Variants in DNAH11 observed in about 807,000 individuals in gnomAD.
The protein encoded by DNAH11 is dynein axonemal heavy chain 11.
Under a neutral mutation model 526.0 loss-of-function variants are expected in DNAH11, and 442 were observed. That is an observed-to-expected ratio of 0.84 (90% CI 0.78 to 0.91). DNAH11 has a LOEUF of 0.91. Ranked by LOEUF, DNAH11 falls within the 40% of genes least tolerant of loss-of-function variation. DNAH11 has a pLI of 0.00. For missense variants in DNAH11, 6,989 were observed against 5,448.7 expected, an observed-to-expected ratio of 1.28 and a Z score of -8.90; for synonymous variants, 2,461 against 1,935.9, an observed-to-expected ratio of 1.27 and a Z score of -7.12.
chr7:21,818,134 A>G, intron 64 of DNAH11, 83 bp from the exon 65 acceptor site: 1 of 1,372,950 alleles, frequency 7.3e-7, no homozygotes, highest in Non-Finnish European at 1.0e-6. Flanking sequence ...TATCTACATT[A>G]AATATAATTT....
rs971461933 is a variant in DNAH11 at position 21,599,828 on chromosome 7, C to T, written c.2709C>T (p.Thr903=). 1.3e-6 allele frequency: 2 copies of T among 1,590,876 alleles called. No homozygotes were observed. The highest frequency in any genetic ancestry group is 1.7e-5 in the Admixed American group (1 of 58,872). The change falls in exon 15 of 82, where the codon ACC becomes ACT. Residue 903 remains threonine, a synonymous_variant. Transcript: ENST00000409508. ...KLFKANPSLD[T]WKIYVEFIDD... ...TCAAAGCCAATCCCTCTCTGGATAC[C>T]TGGAAAATTTATGTAGAATTCATTG... is the stretch of plus-strand genomic sequence containing the variant.
intron 20 of DNAH11, among the ~76,000 whole-genome samples, chr7:21,609,677 C>T (rs1785438840): frequency 2.0e-5 from 3 of 152,180 alleles, no homozygotes; most frequent in African/African-American, 7.2e-5. Flanking sequence ...AATACATATT[C>T]ACAAATGTGT....
intron 54 of DNAH11, among the ~76,000 whole-genome samples, chr7:21,763,686 G>A (rs1443805893): frequency 2.0e-5 from 3 of 149,388 alleles, no homozygotes; most frequent in African/African-American, 5.0e-5. Context: ...CCAGGATCTT[G>A]AAGAGATATC....
intron 2 of DNAH11, among the ~76,000 whole-genome samples, chr7:21,548,847 A>C (rs751962211): frequency 1.3e-5 from 2 of 151,658 alleles, no homozygotes; most frequent in Non-Finnish European, 2.9e-5. Flanking sequence ...TTGCTCTGGG[A>C]TCTGACCTCC....
At chr7:21,766,234 C>G (rs1264155799) in intron 55 of DNAH11, among the ~76,000 whole-genome samples, 1 of 152,102 alleles carries the variant, frequency 6.6e-6, no homozygotes, top group Admixed American at 6.6e-5. Flanking sequence ...ACAACAAAAG[C>G]TTCAAGCATT....
intron 57 of DNAH11, among the ~76,000 whole-genome samples, chr7:21,781,613 A>T (rs540949605): frequency 2.6e-5 from 4 of 152,292 alleles, no homozygotes; most frequent in Non-Finnish European, 5.9e-5. Context: ...ATCAATCTTG[A>T]TTTGGAATGG....
chr7:21,583,088 T>G (rs1199430833), intron 9 of DNAH11, among the ~76,000 whole-genome samples: 1 of 152,162 alleles, frequency 6.6e-6, no homozygotes, highest in Non-Finnish European at 1.5e-5. Flanking sequence ...AAAAACTACT[T>G]TAAATTTCAT....
At chr7:21,552,686 A>G (rs977805724) in intron 2 of DNAH11, among the ~76,000 whole-genome samples, 23 of 152,204 alleles carry the variant, frequency 1.5e-4, no homozygotes, top group Admixed American at 1.2e-3. Flanking sequence ...TGGGGCTTCC[A>G]TGAAACCTTG....
At chr7:21,814,524 C>T (rs956425751) in intron 63 of DNAH11, among the ~76,000 whole-genome samples, 4 of 117,662 alleles carry the variant, frequency 3.4e-5, no homozygotes, top group Non-Finnish European at 6.7e-5. Context: ...CCTCCCCCCA[C>T]CCCACCACAG....
intron 35 of DNAH11, among the ~76,000 whole-genome samples, chr7:21,692,996 C>G (rs1783693621): frequency 6.6e-6 from 1 of 152,204 alleles, no homozygotes; most frequent in South Asian, 2.1e-4. Context: ...ATTCTGCATA[C>G]AGTTCCTTTG....
chr7:21,561,604 A>G (rs1342819686), intron 5 of DNAH11, among the ~76,000 whole-genome samples: 2 of 152,214 alleles, frequency 1.3e-5, no homozygotes, highest in African/African-American at 4.8e-5. Flanking sequence ...GGTGAAGATT[A>G]AATGTACAGA....
intron 77 of DNAH11, among the ~76,000 whole-genome samples, chr7:21,893,471 G>A (rs1784400431): frequency 6.6e-6 from 1 of 152,194 alleles, no homozygotes; most frequent in African/African-American, 2.4e-5. Context: ...ATGAGTTTAA[G>A]ATTTCAGGAC....
chr7:21,847,066 G>T (rs1296748681), intron 66 of DNAH11, among the ~76,000 whole-genome samples: 1 of 151,936 alleles, frequency 6.6e-6, no homozygotes, highest in African/African-American at 2.4e-5. Flanking sequence ...ACTAGTAATT[G>T]GTGCCTTCTC....
chr7:21,635,860 C>A lies in DNAH11; in HGVS notation c.4501-11C>A. On this transcript the variant is annotated splice_polypyrimidine_tract_variant and intron_variant, in intron 25 of 81. Coordinates refer to ENST00000409508, the MANE Select transcript of DNAH11 (RefSeq NM_001277115.2). Reference sequence around the variant, plus strand: ...TTAGCTACTATTTAAAATTCTTTGCCTTTATTTTAGGTTCAGTTGCAGACT... The same window carrying A: ...TTAGCTACTATTTAAAATTCTTTGCATTTATTTTAGGTTCAGTTGCAGACT... 1 of 1,594,458 alleles carries A rather than the reference C, an allele frequency of 6.3e-7. No homozygotes were observed. Among genetic ancestry groups the A allele is most frequent in the Non-Finnish European group, 8.6e-7 (1 of 1,169,396 alleles).
intron 61 of DNAH11, among the ~76,000 whole-genome samples, chr7:21,789,771 T>TTCTTTC (rs1267206503): frequency 1.5e-5 from 1 of 68,410 alleles, no homozygotes; most frequent in Admixed American, 1.9e-4. Context: ...CTCTCTTTCT[T>TTCTTTC]TCTTTCTTTC....
intron 28 of DNAH11, among the ~76,000 whole-genome samples, chr7:21,646,997 C>T (rs1384215182): frequency 2.0e-5 from 3 of 152,070 alleles, no homozygotes; most frequent in South Asian, 2.1e-4. Flanking sequence ...TCAAAACTGA[C>T]CCAGAACTGA....
chr7:21,626,793 C>G (rs1451840870), intron 25 of DNAH11, among the ~76,000 whole-genome samples: 1 of 132,684 alleles, frequency 7.5e-6, no homozygotes, highest in East Asian at 2.2e-4. Context: ...ATCTGTCACC[C>G]AGGCTGGAGT....
In DNAH11 at chr7:21,643,989, A is replaced by G. The variant is rs17144863; in HGVS notation, c.4944+4924A>G. ...CCACAATGCATTCTGTAAAATGACA[A>G]GATACATATACTCAGGAATGCTTAA... On this transcript the variant is annotated intron_variant, in intron 28 of 81. Coordinates refer to ENST00000409508, the MANE Select transcript of DNAH11 (RefSeq NM_001277115.2). 8.0e-3 allele frequency among the ~76,000 whole-genome samples: 1,215 copies of G among 152,296 alleles called. 48 individuals are homozygous for G. In the South Asian group the frequency reaches 0.08, roughly 10 times the overall value.
At chr7:21,847,053 C>T (rs1274232086) in intron 66 of DNAH11, among the ~76,000 whole-genome samples, 2 of 152,120 alleles carry the variant, frequency 1.3e-5, no homozygotes, top group Non-Finnish European at 2.9e-5. Context: ...TTTCATTTCT[C>T]ATACTAGTAA....
Sources: gnomAD v4.1 joint callset for allele counts (sites outside exome capture counted in the v4.1 genomes callset) on GRCh38, gnomAD v4.1.1 for gene constraint, MANE v1.5 for transcripts, NCBI Gene and HGNC (gene_info 2026-07-23, HGNC 2026-07-21) for gene names.